MUC4: variants seen among roughly 807,000 people sequenced by gnomAD.
MUC4 encodes the protein mucin 4, cell surface associated, also known as mucin-4.
In MUC4, 202 loss-of-function variants were observed where a neutral mutation model predicts 257.9. The observed-to-expected ratio is 0.78, with a 90% CI of 0.70 to 0.88. The LOEUF (loss-of-function observed/expected upper bound fraction) is 0.88. MUC4 is among the 40% of genes least tolerant of loss of function. MUC4 has a pLI of 0.00. For synonymous variants in MUC4, 2,351 were observed against 2,757.1 expected (o/e 0.85, Z 4.62); for missense variants, 5,976 against 6,513.7 (o/e 0.92, Z 2.84).
intron 10 of MUC4, among the ~76,000 whole-genome samples, 165 bp downstream of exon 10, chr3:195,764,832 C>T (rs141665566): frequency 8.5e-5 from 13 of 152,124 alleles, no homozygotes; most frequent in Non-Finnish European, 1.6e-4. Flanking sequence ...CATACATCCC[C>T]GAATGTCCGC....
At chr3:195,771,446 T>A (rs1238418981) in intron 5 of MUC4, among the ~76,000 whole-genome samples, 1 of 151,576 alleles carries the variant, frequency 6.6e-6, no homozygotes, top group African/African-American at 2.4e-5. Context: ...GGTTGGGGTA[T>A]TCCTGGTCAG....
chr3:195,775,159 T>G (rs1414710013), intron 3 of MUC4, among the ~76,000 whole-genome samples: 2 of 152,052 alleles, frequency 1.3e-5, no homozygotes, highest in African/African-American at 2.4e-5. Context: ...TCTCCTGGCC[T>G]CCTCACTGCC....
chr3:195,756,816 C>A (rs1334636724), intron 18 of MUC4, among the ~76,000 whole-genome samples: 1 of 152,080 alleles, frequency 6.6e-6, no homozygotes, highest in Non-Finnish European at 1.5e-5. Context: ...GCGCCTGCCA[C>A]CACGCCCAGC....
chr3:195,783,515 G>C lies in MUC4; in HGVS notation c.8065C>G (p.Leu2689Val). The change falls in exon 2 of 25, where the codon CTT (leucine) becomes GTT (valine). Residue 2689 changes from leucine to valine, a missense_variant. By Grantham distance (32) the Leu-to-Val change is conservative (BLOSUM62 1). Around this residue, in one of 44 missense-constraint regions of MUC4, gnomAD observed 75 missense variants for 58.7 expected, o/e 1.28. Coordinates refer to ENST00000463781, the MANE Select transcript of MUC4 (RefSeq NM_018406.7). ...SSASTGHATS[L>V]PVTDTSSAST... ...GCTGAGGAAGTGTCGGTGACAGGAA[G>C]AGAGGTGGCATGACCGGTGGATGCT... is the stretch of plus-strand genomic sequence containing the variant. 4 of 649,918 alleles carry C rather than the reference G, an allele frequency of 6.2e-6. No individual in the cohort carries two copies. Among genetic ancestry groups the C allele is most frequent in the Non-Finnish European group, 8.8e-6 (4 of 452,730 alleles). The allele number at this position is 649,918 out of a possible 1,614,324, so 40.3% of individuals were successfully genotyped here. A position where few individuals can be genotyped will look rare whatever the true frequency, so the allele number is the denominator to read the frequency against.
chr3:195,789,267 G>A lies in MUC4; in HGVS notation c.2313C>T (p.Thr771=). ...CTGTGCTCTCAGCCTGGTGGGTATGGGTCATGGCTGCTGCTGTGTCAGGTG... is the reference window on the plus strand; with the variant it reads ...CTGTGCTCTCAGCCTGGTGGGTATGAGTCATGGCTGCTGCTGTGTCAGGTG... ...STSPDTAAAM[T]HTHQAESTEA... The change falls in exon 2 of 25, where the codon ACC becomes ACT. Residue 771 remains threonine, a synonymous_variant. Transcript: ENST00000463781. 1 of 1,613,890 alleles carries A rather than the reference G, an allele frequency of 6.2e-7. No homozygotes were observed. The highest frequency in any genetic ancestry group is 8.5e-7 in the Non-Finnish European group (1 of 1,179,862).
chr3:195,764,929 G>C (rs867730084), intron 10 of MUC4, 68 bp downstream of exon 10: 105 of 1,582,414 alleles, frequency 6.6e-5, no homozygotes, highest in Non-Finnish European at 8.9e-5. Flanking sequence ...GAATGAGGAC[G>C]AGAGGCTTCA....
chr3:195,767,834 A>ACCACCACCACCATCG (rs1560265576), intron 7 of MUC4, among the ~76,000 whole-genome samples: 25 of 116,516 alleles, frequency 2.1e-4, no homozygotes, highest in Admixed American at 4.1e-4. Context: ...CACCACCATC[A>ACCACCACCACCATCG]CCACCACCAC....
rs1478215142 is a variant in MUC4 at position 195,767,756 on chromosome 3, A to ATTG, written c.13530-1006_13530-1005insCAA. ...CACCACCATCACCATCGCCACCACC[A>ATTG]CCATCACCACCACCACCACCATCAC... On this transcript the variant is annotated intron_variant, in intron 7 of 24. Coordinates refer to ENST00000463781, the MANE Select transcript of MUC4 (RefSeq NM_018406.7). Among the ~76,000 whole-genome samples, 4 of 104,664 alleles carry ATTG rather than the reference A, an allele frequency of 3.8e-5. 1 individual carries two copies. The highest frequency in any genetic ancestry group is 7.6e-5 in the Non-Finnish European group (4 of 52,866). The allele number at this position is 104,664 out of a possible 152,430, so 68.7% of individuals were successfully genotyped here.
Position 195,781,336 on chromosome 3 carries a change from G to T in MUC4, c.10244C>A (p.Ser3415Tyr), listed in dbSNP as rs752578761. 52 of 1,504,708 alleles carry T rather than the reference G, an allele frequency of 3.5e-5. 2 individuals carry two copies. The African/African-American group carries it at 7.2e-4, about 21-fold the overall frequency. 93.2% of individuals were successfully genotyped at this position (1,504,708 alleles called of 1,614,324 possible). A position where few individuals can be genotyped will look rare whatever the true frequency, so the allele number is the denominator to read the frequency against. The change falls in exon 2 of 25, where the codon TCC becomes TAC. Residue 3415 changes from serine to tyrosine, a missense_variant. Physicochemically the swap from Ser to Tyr is moderately radical, Grantham distance 144. Coordinates refer to ENST00000463781, the MANE Select transcript of MUC4 (RefSeq NM_018406.7). ...GGTGGCGTGACCTGTGGATGCTGAG[G>T]AAGGGCTAGTGACAGGAAGAGGCAT... Reference protein sequence around the residue: ...DTMPLPVTSPSSASTGHATPL... With the variant: ...DTMPLPVTSPYSASTGHATPL...
At position 195,791,302 on chromosome 3, in the gene MUC4, A is replaced by AG; in HGVS notation, c.277dup (p.Leu93ProfsTer26). 2.5e-6 allele frequency: 4 copies of AG among 1,613,750 alleles called. No homozygotes were observed. Among genetic ancestry groups the AG allele is most frequent in the Non-Finnish European group, 3.4e-6 (4 of 1,179,864 alleles). ...AAGAGTTGATGTCATCATCTGCGTG[A>AG]GGGTGTCGGTTTGAGCTTTGCTGGT... On this transcript the variant is annotated frameshift_variant, in exon 2 of 25. Transcript: ENST00000463781. LOFTEE classifies it high-confidence loss of function.
In MUC4 at chr3:195,790,546, GTGAGGGTGT is replaced by G; in HGVS notation, c.1025_1033del (p.Asn342_Leu344del). 6.2e-7 allele frequency: 1 copy of G among 1,614,024 alleles called. No homozygotes were observed. The highest frequency in any genetic ancestry group is 8.5e-7 in the Non-Finnish European group (1 of 1,179,884). ...TAAAACAGTTGATGTTGTAACCGGT[GTGAGGGTGT>G]TGAGGGTGTTGATTTGAGATACTCT... On this transcript the variant is annotated inframe_deletion, in exon 2 of 25. Transcript: ENST00000463781.
Position 195,755,708 on chromosome 3 carries a change from A to G in MUC4, c.15169-1336T>C, listed in dbSNP as rs1325423708. On this transcript the variant is annotated intron_variant, in intron 18 of 24. Transcript: ENST00000463781. This position sits in a 1 kb window ranked among gnomAD's most constrained non-coding sequence, Gnocchi z 5.0. Reference sequence around the variant, plus strand: ...ACACTTGCTACTCCCAAGAGTGGATATTTGGGGATCTGTGGAATAGTATAT... The same window carrying G: ...ACACTTGCTACTCCCAAGAGTGGATGTTTGGGGATCTGTGGAATAGTATAT... 1.3e-5 allele frequency among the ~76,000 whole-genome samples: 2 copies of G among 152,056 alleles called. No individual in the cohort carries two copies. Among genetic ancestry groups the G allele is most frequent in the African/African-American group, 4.8e-5 (2 of 41,388 alleles).
chr3:195,765,860 T>C (rs1720348290), intron 8 of MUC4, among the ~76,000 whole-genome samples: 1 of 152,200 alleles, frequency 6.6e-6, no homozygotes. Context: ...AAAACACAGT[T>C]GGTCTTTTTC....
Position 195,774,280 on chromosome 3 carries a change from T to G in MUC4, c.12969A>C (p.Ala4323=). ...TGACGAACTCCAGGTCCCCGGCGCCTGCCCCATAGGGGAAGAGGGAAACTC... is the reference window on the plus strand; with the variant it reads ...TGACGAACTCCAGGTCCCCGGCGCCGGCCCCATAGGGGAAGAGGGAAACTC... The part of the protein sequence containing the change: ...ERGVSLFPYG[A]GAGDLEFVRR... Residue 4323 remains alanine, a synonymous_variant, in exon 4 of 25, where the codon GCA becomes GCC. Transcript: ENST00000463781. The G allele has an allele frequency of 1.3e-6, 2 of 1,577,780 alleles. No individual in the cohort carries two copies. The highest frequency in any genetic ancestry group is 2.3e-5 in the East Asian group (1 of 43,380).
At chr3:195,749,373 T>G (rs1238240317) in intron 23 of MUC4, among the ~76,000 whole-genome samples, 2 of 152,338 alleles carry the variant, frequency 1.3e-5, no homozygotes, top group East Asian at 3.9e-4. Context: ...GAAAATGCTT[T>G]CCTGAAGAGC....
chr3:195,767,264 A>C (rs892122138), intron 7 of MUC4, among the ~76,000 whole-genome samples: 17 of 152,102 alleles, frequency 1.1e-4, no homozygotes, highest in African/African-American at 3.9e-4. Context: ...TTACAGTGGC[A>C]TCTACCTCAC....
Position 195,784,576 on chromosome 3 carries a change from G to A in MUC4, c.7004C>T (p.Thr2335Met), listed in dbSNP as rs577730605. The A allele has an allele frequency of 2.9e-5, 43 of 1,468,564 alleles. No individual in the cohort carries two copies. The African/African-American group carries it at 5.6e-4, about 19-fold the overall frequency. 91.0% of individuals were successfully genotyped at this position (1,468,564 alleles called of 1,614,324 possible). A position where few individuals can be genotyped will look rare whatever the true frequency, so the allele number is the denominator to read the frequency against. Reference protein sequence around the residue: ...SLSSASTGDTTPLPVTSPSSA... With the variant: ...SLSSASTGDTMPLPVTSPSSA... ...GGAAGGGCTAGTGACAGGAAGAGGC[G>A]TGGTGTCACCTGTGGATGCTGAGGA... Residue 2335 changes from threonine (T) to methionine (M), a missense_variant, in exon 2 of 25, where the codon ACG (threonine) becomes ATG (methionine). Transcript: ENST00000463781.
chr3:195,784,282 A>G lies in MUC4; in HGVS notation c.7298T>C (p.Leu2433Pro), dbSNP rs1415213692. The change falls in exon 2 of 25, where the codon CTT becomes CCT. Residue 2433 changes from leucine (L) to proline (P), a missense_variant. Leu to Pro is a moderately conservative substitution (Grantham distance 98). Coordinates refer to ENST00000463781, the MANE Select transcript of MUC4 (RefSeq NM_018406.7). Reference protein sequence around the residue: ...SSASTGDTTRLPVTNVSSAST... With the variant: ...SSASTGDTTRPPVTNVSSAST... ...TGCCGAGGAAACGTTGGTGACAGGAAGACGGGTGGTGTCACCTGTGGAAGC... is the reference window on the plus strand; with the variant it reads ...TGCCGAGGAAACGTTGGTGACAGGAGGACGGGTGGTGTCACCTGTGGAAGC... 3 of 1,381,456 alleles carry G rather than the reference A, an allele frequency of 2.2e-6. No homozygotes were observed. The highest frequency in any genetic ancestry group is 1.6e-5 in the African/African-American group (1 of 62,676). The allele number at this position is 1,381,456 out of a possible 1,614,324, so 85.6% of individuals were successfully genotyped here.
Position 195,781,795 on chromosome 3 carries a change from G to T in MUC4, c.9785C>A (p.Thr3262Asn). Residue 3262 changes from threonine to asparagine, a missense_variant, in exon 2 of 25, where the codon ACC (threonine) becomes AAC (asparagine). Physicochemically the swap from Thr to Asn is moderately conservative, Grantham distance 65. Transcript: ENST00000463781. The part of the protein sequence containing the change: ...TDTSSASTGD[T>N]TSLPVTDTSS... ...AGTGTCGGTGACAGGAAGAGAGGTG[G>T]TGTCACCTGTGGATGCTGAGGAAGT... 2 of 1,111,198 alleles carry T rather than the reference G, an allele frequency of 1.8e-6. No individual in the cohort carries two copies. Among genetic ancestry groups the T allele is most frequent in the Non-Finnish European group, 1.1e-6 (1 of 876,410 alleles). The allele number at this position is 1,111,198 out of a possible 1,614,324, so 68.8% of individuals were successfully genotyped here.
Sources: allele counts gnomAD v4.1 joint callset (sites outside exome capture counted in the v4.1 genomes callset), GRCh38; gene constraint gnomAD v4.1.1; regional missense constraint gnomAD v4.1.1; non-coding constraint Gnocchi (gnomAD v3.1); transcripts MANE v1.5; gene names NCBI Gene and HGNC (gene_info 2026-07-23, HGNC 2026-07-21).